The following FBLN7 variants were observed in gnomAD, a reference collection of about 807,000 sequenced individuals.
The protein encoded by FBLN7 is fibulin 7.
In FBLN7, 31 loss-of-function variants were observed where a neutral mutation model predicts 44.0. The ratio of observed to expected loss-of-function variants is 0.70; its 90% confidence interval spans 0.53 to 0.95. The LOEUF is 0.95. Among genes scored for constraint, FBLN7 ranks in the 40% least tolerant of loss-of-function variants. The pLI is 0.00. For missense variants in FBLN7, 573 were observed against 618.5 expected (o/e 0.93, Z 0.78); for synonymous variants, 262 against 253.4 (o/e 1.03, Z -0.32).
At chr2:112,238,518 G>A in the FBLN7 span, 1 of 1,609,354 alleles carries the variant, frequency 6.2e-7, no homozygotes, top group Non-Finnish European at 8.5e-7. Context: ...TGATATTGCA[G>A]AGTGTCTAAA....
At chr2:112,138,999 C>A (rs1314820530) in intron 1 of FBLN7, among the ~76,000 whole-genome samples, 9 of 107,704 alleles carry the variant, frequency 8.4e-5, no homozygotes, top group East Asian at 3.1e-4. Flanking sequence ...AGCGTCCCTC[C>A]CGCCTCTCTC....
downstream of FBLN7, among the ~76,000 whole-genome samples, chr2:112,191,618 G>A (rs950731165): frequency 1.3e-5 from 2 of 152,060 alleles, no homozygotes; most frequent in Non-Finnish European, 2.9e-5. Flanking sequence ...ACACACAAAT[G>A]TGATAACTAA....
At chr2:112,206,596 A>T in the FBLN7 span, among the ~76,000 whole-genome samples, 4 of 151,988 alleles carry the variant, frequency 2.6e-5, no homozygotes, top group Non-Finnish European at 4.4e-5. Flanking sequence ...TTTTATAGAG[A>T]CCGGGTTTTG....
At chr2:112,144,196 C>T (rs1352823004) in intron 1 of FBLN7, among the ~76,000 whole-genome samples, 1 of 152,188 alleles carries the variant, frequency 6.6e-6, no homozygotes, top group Non-Finnish European at 1.5e-5. Context: ...ATTAACATCG[C>T]TCTGGAACAG....
intron 4 of FBLN7, among the ~76,000 whole-genome samples, chr2:112,179,097 C>A (rs758343316): frequency 6.6e-6 from 1 of 152,156 alleles, no homozygotes; most frequent in Non-Finnish European, 1.5e-5. Context: ...CCCAAAGTCT[C>A]GGCCCAAAAG....
At chr2:112,182,704 AG>A (rs1306839615) in intron 5 of FBLN7, 86 bp from the exon 6 acceptor site, 3 of 1,479,074 alleles carry the variant, frequency 2.0e-6, no homozygotes, top group African/African-American at 2.9e-5. Flanking sequence ...CACTGCCTCC[AG>A]GAATTGAAGC....
chr2:112,150,247 C>T (rs1023945805), intron 1 of FBLN7, among the ~76,000 whole-genome samples: 2 of 152,152 alleles, frequency 1.3e-5, no homozygotes, highest in African/African-American at 4.8e-5. Context: ...GAGAGCAAGA[C>T]CAGCAACTGG....
chr2:112,210,638 AGAGT>A, the FBLN7 span, among the ~76,000 whole-genome samples: 1 of 138,256 alleles, frequency 7.2e-6, no homozygotes, highest in Admixed American at 7.5e-5. Context: ...CCTGCGTGAC[AGAGT>A]GAGACTCTGT....
At chr2:112,221,088 G>A in the FBLN7 span, among the ~76,000 whole-genome samples, 7 of 152,140 alleles carry the variant, frequency 4.6e-5, no homozygotes, top group Admixed American at 3.3e-4. Context: ...TTTCAGGGAC[G>A]GAAATGAGTC....
the FBLN7 span, among the ~76,000 whole-genome samples, chr2:112,195,744 C>A: frequency 6.6e-6 from 1 of 152,348 alleles, no homozygotes; most frequent in East Asian, 1.9e-4. Context: ...ACAGACCTGA[C>A]CTGCTGGCAT....
intron 2 of FBLN7, among the ~76,000 whole-genome samples, 190 bp from the exon 3 acceptor site, chr2:112,164,811 G>A (rs1193504483): frequency 2.6e-5 from 4 of 152,176 alleles, no homozygotes; most frequent in South Asian, 2.1e-4. Context: ...AGCAGGCATC[G>A]TACCACCCAT....
At chr2:112,220,194 T>C in the FBLN7 span, among the ~76,000 whole-genome samples, 1 of 152,182 alleles carries the variant, frequency 6.6e-6, no homozygotes, top group Non-Finnish European at 1.5e-5. Context: ...GTCATAACAT[T>C]GTTAGCTGGT....
chr2:112,158,651 C>G (rs1247249624), intron 1 of FBLN7, among the ~76,000 whole-genome samples: 1 of 152,040 alleles, frequency 6.6e-6, no homozygotes, highest in African/African-American at 2.4e-5. Context: ...GTTGGCCACG[C>G]TGGTTTCGAA....
chr2:112,153,237 T>G (rs1422050626), intron 1 of FBLN7: 2 of 152,338 alleles, frequency 1.3e-5, no homozygotes, highest in East Asian at 3.9e-4. Flanking sequence ...ACTCCGAGCC[T>G]TGGCCAGCAG....
At chr2:112,184,787 GTATA>G in intron 6 of FBLN7, among the ~76,000 whole-genome samples, 1 of 134,020 alleles carries the variant, frequency 7.5e-6, no homozygotes, top group African/African-American at 2.7e-5. Context: ...TATGGTGTGT[GTATA>G]TATATACCAT....
chr2:112,172,831 G>A (rs181880602), intron 3 of FBLN7, among the ~76,000 whole-genome samples: 6 of 151,958 alleles, frequency 3.9e-5, no homozygotes, highest in South Asian at 4.2e-4. Context: ...ACAAGGTTTC[G>A]CCATGTTGGC....
At chr2:112,223,395 AAAAT>A in the FBLN7 span, among the ~76,000 whole-genome samples, 8 of 152,200 alleles carry the variant, frequency 5.3e-5, no homozygotes, top group Non-Finnish European at 1.0e-4. Flanking sequence ...AGAATAGAAT[AAAAT>A]AAATAAAGCC....
chr2:112,144,743 T>G (rs1680826587), intron 1 of FBLN7, among the ~76,000 whole-genome samples: 1 of 152,110 alleles, frequency 6.6e-6, no homozygotes. Context: ...GCCAGGATGG[T>G]CTCTATCTCT....
chr2:112,160,754 A>ACG (rs1427888413), intron 2 of FBLN7, among the ~76,000 whole-genome samples: 27 of 87,790 alleles, frequency 3.1e-4, no homozygotes, highest in Non-Finnish European at 3.9e-4. Context: ...ACGCGCACGC[A>ACG]CACACGCACG....
Sources: allele counts gnomAD v4.1 joint callset (sites outside exome capture counted in the v4.1 genomes callset), GRCh38; gene constraint gnomAD v4.1.1; transcripts MANE v1.5; gene names NCBI Gene and HGNC (gene_info 2026-07-23, HGNC 2026-07-21).